AMBRA1: variants seen among roughly 807,000 people sequenced by gnomAD.
AMBRA1 encodes activating molecule in BECN1-regulated autophagy protein 1.
AMBRA1 carries 47 observed loss-of-function variants against 125.4 expected under a neutral mutation model. That is an observed-to-expected ratio of 0.37 (90% confidence interval 0.30 to 0.48). The LOEUF is 0.48. Among genes scored for constraint, AMBRA1 ranks in the 20% least tolerant of loss-of-function variants. The probability of loss-of-function intolerance (pLI) is 0.99; values close to 1 mark genes in which losing one functional copy is unlikely to be tolerated. For synonymous variants in AMBRA1, 626 were observed against 655.5 expected (o/e 0.95, Z 0.69); for missense variants, 1,331 against 1,693.4 (o/e 0.79, Z 3.76).
At position 46,480,329 on chromosome 11, in the gene AMBRA1, T is replaced by C. The variant is rs140262651; in HGVS notation, c.2521+13279A>G. 4.6e-3 allele frequency among the ~76,000 whole-genome samples: 700 copies of C among 152,256 alleles called. 10 individuals are homozygous for C. The highest frequency in any genetic ancestry group is 0.016 in the African/African-American group (681 of 41,524). On this transcript the variant is annotated intron_variant, in intron 11 of 17. Transcript: ENST00000683756. Reference sequence around the variant, plus strand: ...ACTAAACCATCTAAGATCATCCACATCCAGCCAAGCTATTAATTGACCACA... The same window carrying C: ...ACTAAACCATCTAAGATCATCCACACCCAGCCAAGCTATTAATTGACCACA...
At chr11:46,437,958 T>C (rs1947809653) in intron 12 of AMBRA1, among the ~76,000 whole-genome samples, 1 of 152,104 alleles carries the variant, frequency 6.6e-6, no homozygotes, top group African/African-American at 2.4e-5. Context: ...CAGGAGGGCA[T>C]ATTAAAACAC....
At chr11:46,527,705 G>A (rs1441606623) in intron 7 of AMBRA1, among the ~76,000 whole-genome samples, 1 of 151,674 alleles carries the variant, frequency 6.6e-6, no homozygotes, top group Admixed American at 6.6e-5. Flanking sequence ...AGAAGATGCT[G>A]AACATGACTA....
At chr11:46,450,820 A>T (rs1450353231) in intron 11 of AMBRA1, among the ~76,000 whole-genome samples, 2 of 152,218 alleles carry the variant, frequency 1.3e-5, no homozygotes, top group African/African-American at 2.4e-5. Flanking sequence ...CATTTGCCAA[A>T]ACCAGTGAAA....
At chr11:46,544,412 C>T (rs113423810) in intron 5 of AMBRA1, among the ~76,000 whole-genome samples, 3 of 152,192 alleles carry the variant, frequency 2.0e-5, no homozygotes, top group South Asian at 2.1e-4. Flanking sequence ...GCAGCTACAC[C>T]GGCAAGAAGC....
chr11:46,481,370 T>G (rs1950060657), intron 11 of AMBRA1, among the ~76,000 whole-genome samples: 1 of 152,134 alleles, frequency 6.6e-6, no homozygotes, highest in Non-Finnish European at 1.5e-5. Flanking sequence ...GTAGCAGTCT[T>G]CTGAGCTGAA....
intron 15 of AMBRA1, among the ~76,000 whole-genome samples, chr11:46,413,069 C>T (rs1026095872): frequency 7.9e-5 from 12 of 152,210 alleles, no homozygotes; most frequent in African/African-American, 2.9e-4. Context: ...CTTCCTGACC[C>T]GGAACCTTCC....
At chr11:46,476,269 AT>A (rs1191578212) in intron 11 of AMBRA1, among the ~76,000 whole-genome samples, 2 of 152,204 alleles carry the variant, frequency 1.3e-5, no homozygotes, top group Non-Finnish European at 2.9e-5. Context: ...AGCTCAAGAA[AT>A]TCTATAAATG....
At chr11:46,446,578 G>A (rs1289276354) in intron 11 of AMBRA1, among the ~76,000 whole-genome samples, 2 of 152,152 alleles carry the variant, frequency 1.3e-5, no homozygotes, top group Non-Finnish European at 2.9e-5. Flanking sequence ...TGAAATTTTA[G>A]GACAGATAAT....
intron 11 of AMBRA1, among the ~76,000 whole-genome samples, chr11:46,456,172 A>G (rs1460094628): frequency 6.6e-6 from 1 of 152,176 alleles, no homozygotes; most frequent in Non-Finnish European, 1.5e-5. Context: ...CTACTGAAAG[A>G]TTACTAGGAA....
chr11:46,431,908 T>C (rs1225295533), intron 14 of AMBRA1, among the ~76,000 whole-genome samples: 1 of 152,242 alleles, frequency 6.6e-6, no homozygotes, highest in Non-Finnish European at 1.5e-5. Flanking sequence ...TTTCTTGTCA[T>C]TGTGATATCA....
At chr11:46,557,300 C>CAAAAAAAAA (rs540969219) in intron 1 of AMBRA1, among the ~76,000 whole-genome samples, 1 of 49,148 alleles carries the variant, frequency 2.0e-5, no homozygotes, top group Admixed American at 2.3e-4. Context: ...GACTCCATCT[C>CAAAAAAAAA]AAAAAAAAAA....
At chr11:46,570,471 T>G (rs1170046103) in intron 1 of AMBRA1, among the ~76,000 whole-genome samples, 1 of 152,070 alleles carries the variant, frequency 6.6e-6, no homozygotes, top group Non-Finnish European at 1.5e-5. Context: ...GGTAGAAATG[T>G]GAAGTATATT....
At chr11:46,587,564 C>T (rs548213600) in intron 1 of AMBRA1, among the ~76,000 whole-genome samples, 4 of 152,190 alleles carry the variant, frequency 2.6e-5, no homozygotes, top group Admixed American at 6.5e-5. Context: ...TAAATTTACG[C>T]AATTATGATT....
intron 7 of AMBRA1, among the ~76,000 whole-genome samples, chr11:46,532,772 T>G (rs569941149): frequency 6.6e-6 from 1 of 152,224 alleles, no homozygotes; most frequent in Non-Finnish European, 1.5e-5. Context: ...GAAATAATGT[T>G]CAGTTAAATA....
At chr11:46,557,090 C>G (rs949165822) in intron 1 of AMBRA1, among the ~76,000 whole-genome samples, 4 of 149,612 alleles carry the variant, frequency 2.7e-5, no homozygotes, top group Admixed American at 6.7e-5. Flanking sequence ...GAGCAGAGAT[C>G]GTGCCATTGT....
At chr11:46,521,001 T>G (rs1471262288) in intron 7 of AMBRA1, among the ~76,000 whole-genome samples, 5 of 152,146 alleles carry the variant, frequency 3.3e-5, no homozygotes, top group African/African-American at 1.2e-4. Flanking sequence ...TGGATCCAAG[T>G]CATCTTTTTA....
intron 1 of AMBRA1, among the ~76,000 whole-genome samples, chr11:46,555,413 AAAACAT>A (rs1384796930): frequency 6.6e-6 from 1 of 152,206 alleles, no homozygotes; most frequent in Non-Finnish European, 1.5e-5. Flanking sequence ...CCTCCTCTGT[AAAACAT>A]GATCACAATG....
chr11:46,548,593 T>C, intron 1 of AMBRA1, 93 bp from the exon 2 acceptor site: 1 of 565,058 alleles, frequency 1.8e-6, no homozygotes, highest in Non-Finnish European at 3.0e-6. Flanking sequence ...GAAATTATAC[T>C]TTTCCTATTT....
rs1041425264 is a variant in AMBRA1 at position 46,489,063 on chromosome 11, GTTAA to G, written c.2521+4541_2521+4544del. ...GACTACAGGCGCCCGCAACCGCCCG[GTTAA>G]TTTTTTTTTTTATTACACTTTAAGT... On this transcript the variant is annotated intron_variant, in intron 11 of 17. Transcript: ENST00000683756. Among the ~76,000 whole-genome samples, 5 of 152,148 alleles carry G rather than the reference GTTAA, an allele frequency of 3.3e-5. 1 individual carries two copies. In the South Asian group the frequency reaches 6.2e-4, roughly 19 times the overall value.
Sources: gnomAD v4.1 joint callset for allele counts (sites outside exome capture counted in the v4.1 genomes callset) on GRCh38, gnomAD v4.1.1 for gene constraint, MANE v1.5 for transcripts, NCBI Gene and HGNC (gene_info 2026-07-23, HGNC 2026-07-21) for gene names.